CIMAP1B: variants seen among roughly 807,000 people sequenced by gnomAD.
CIMAP1B encodes orf2 5' to PD-ECGF/TP.
At chr22:50,531,878 T>C in the CIMAP1B span, 4 of 1,323,334 alleles carry the variant, frequency 3.0e-6, no homozygotes, top group South Asian at 6.4e-5. Flanking sequence ...GCAGGCACGG[T>C]TCAGCCCCGA....
the CIMAP1B span, chr22:50,531,042 C>T: frequency 1.2e-6 from 2 of 1,609,144 alleles, no homozygotes; most frequent in South Asian, 1.1e-5. Flanking sequence ...GCGAGGGCAC[C>T]GTATAGGCCG....
At chr22:50,531,557 CG>C in the CIMAP1B span, 4 of 1,421,016 alleles carry the variant, frequency 2.8e-6, no homozygotes, top group Non-Finnish European at 2.7e-6. Flanking sequence ...GCCAGGGGCC[CG>C]GGGGTCCTGA....
the CIMAP1B span, chr22:50,531,805 C>A: frequency 7.4e-7 from 1 of 1,349,520 alleles, no homozygotes. Context: ...TCTGGCCGGG[C>A]CCAGCCCCAA....
the CIMAP1B span, chr22:50,530,670 C>G: frequency 1.2e-6 from 2 of 1,603,502 alleles, no homozygotes; most frequent in African/African-American, 2.7e-5. Context: ...AGGCCCTCCC[C>G]ACTCTCCTGA....
chr22:50,530,983 A>G, the CIMAP1B span: 1 of 1,611,272 alleles, frequency 6.2e-7, no homozygotes, highest in Admixed American at 1.7e-5. Context: ...GCGGCCGTAG[A>G]TGGAGCAAGT....
the CIMAP1B span, chr22:50,530,429 G>T: frequency 6.6e-7 from 1 of 1,504,992 alleles, no homozygotes; most frequent in Non-Finnish European, 9.1e-7. Flanking sequence ...GACACGATGC[G>T]GACTCGCAGA....
the CIMAP1B span, chr22:50,530,894 G>A: frequency 1.2e-6 from 2 of 1,608,060 alleles, no homozygotes; most frequent in Non-Finnish European, 1.7e-6. Flanking sequence ...CTCCACTGCC[G>A]CGGACCAGGG....
the CIMAP1B span, chr22:50,530,799 C>G: frequency 2.5e-6 from 4 of 1,605,796 alleles, no homozygotes; most frequent in Non-Finnish European, 3.4e-6. Flanking sequence ...ACTGGGGGGC[C>G]CGGGACTTGT....
chr22:50,530,934 C>T, the CIMAP1B span: 13 of 1,610,744 alleles, frequency 8.1e-6, no homozygotes, highest in Admixed American at 1.7e-5. Flanking sequence ...GCCCCTCCCC[C>T]ACCTTGCTGA....
chr22:50,531,586 G>A, the CIMAP1B span: 1 of 1,417,228 alleles, frequency 7.1e-7, no homozygotes, highest in East Asian at 2.8e-5. Flanking sequence ...CCGGAGTGAG[G>A]AAGGGCGCTG....
chr22:50,531,552 G>A, the CIMAP1B span: 79 of 1,425,924 alleles, frequency 5.5e-5, no homozygotes, highest in Non-Finnish European at 9.1e-6. Context: ...GGGTGGCCAG[G>A]GGCCCGGGGG....
At chr22:50,531,521 C>A in the CIMAP1B span, 1 of 1,398,768 alleles carries the variant, frequency 7.1e-7, no homozygotes, top group Non-Finnish European at 9.3e-7. Context: ...GGTGGGCCTC[C>A]CTGGAGGCAG....
chr22:50,531,568 A>G, the CIMAP1B span: 2 of 1,424,312 alleles, frequency 1.4e-6, no homozygotes, highest in African/African-American at 2.9e-5. Context: ...GGGGGTCCTG[A>G]CCAGGTCCCG....
chr22:50,532,455 C>T, the CIMAP1B span: 11 of 187,042 alleles, frequency 5.9e-5, no homozygotes, highest in Admixed American at 4.3e-4. Flanking sequence ...GTGGGGGACC[C>T]GGTGCCCCGA....
At chr22:50,531,030 G>C in the CIMAP1B span, 1 of 1,610,502 alleles carries the variant, frequency 6.2e-7, no homozygotes, top group South Asian at 1.1e-5. Flanking sequence ...GCGGACCCAA[G>C]AGCGAGGGCA....
the CIMAP1B span, chr22:50,530,615 G>T: frequency 6.4e-7 from 1 of 1,563,074 alleles, no homozygotes; most frequent in Non-Finnish European, 8.7e-7. Context: ...CTCCGCGCCG[G>T]GACCCCTGGA....
the CIMAP1B span, chr22:50,530,656 C>T: frequency 1.8e-5 from 29 of 1,594,770 alleles, no homozygotes; most frequent in Non-Finnish European, 2.3e-5. Flanking sequence ...ATCACTCCGA[C>T]CTCAGGCCCT....
chr22:50,531,906 C>T, the CIMAP1B span: 2 of 1,315,712 alleles, frequency 1.5e-6, no homozygotes, highest in Non-Finnish European at 9.8e-7. Flanking sequence ...CCTCCCTGGT[C>T]TCTTCCCCTT....
the CIMAP1B span, chr22:50,531,169 G>A: frequency 1.9e-6 from 3 of 1,599,890 alleles, no homozygotes; most frequent in African/African-American, 4.0e-5. Flanking sequence ...CACAGTTCTG[G>A]GATGGGCCGT....
Sources: allele counts gnomAD v4.1 joint callset, GRCh38; gene constraint gnomAD v4.1.1; transcripts MANE v1.5; gene names NCBI Gene and HGNC (gene_info 2026-07-23, HGNC 2026-07-21).